GRIA3: variants seen among roughly 807,000 people sequenced by gnomAD.
GRIA3 encodes glutamate receptor 3.
Under a neutral mutation model 63.0 loss-of-function variants are expected in GRIA3, and 3 were observed. The ratio of observed to expected loss-of-function variants is 0.05; its 90% CI spans 0.02 to 0.12. The LOEUF (loss-of-function observed/expected upper bound fraction) is 0.12. Ranked by LOEUF, GRIA3 falls within the 10% of genes least tolerant of loss-of-function variation. The pLI is 1.00. For missense variants in GRIA3, 347 were observed against 700.9 expected, an observed-to-expected ratio of 0.50 and a Z score of 5.70; for synonymous variants, 274 against 257.9, an observed-to-expected ratio of 1.06 and a Z score of -0.60.
intron 3 of GRIA3, among the ~76,000 whole-genome samples, chrX:123,291,945 C>T (rs2044658471): frequency 9.0e-6 from 1 of 111,516 alleles, no homozygotes; most frequent in Non-Finnish European, 1.9e-5. Flanking sequence ...AGGTGCCAAA[C>T]ACTGTACCAT....
intron 2 of GRIA3, among the ~76,000 whole-genome samples, chrX:123,232,712 C>CA (rs1177004333): frequency 9.0e-6 from 1 of 110,899 alleles, no homozygotes; most frequent in Non-Finnish European, 1.9e-5. Flanking sequence ...TATGTACCCA[C>CA]AAAAATTAGA....
intron 4 of GRIA3, among the ~76,000 whole-genome samples, chrX:123,333,920 G>A (rs760752832): frequency 9.9e-4 from 110 of 111,125 alleles, no homozygotes; most frequent in Non-Finnish European, 1.7e-3. Context: ...TCTGTAAGTT[G>A]GTTGCCTTAT....
chrX:123,310,074 C>A (rs1049215542), intron 3 of GRIA3, among the ~76,000 whole-genome samples: 3 of 112,632 alleles, frequency 2.7e-5, no homozygotes, highest in African/African-American at 9.7e-5. Flanking sequence ...CATAGAAGCT[C>A]TTTGGGCATG....
rs1433551040 is a variant in GRIA3 at position 123,404,722 on chromosome X, A to G, written c.1308A>G (p.Val436=). Reference sequence around the variant, plus strand: ...TGGTCCCAAAGGAATCACCATATGTAATGTACAAGAAGAACCATGAGCAAC... The same window carrying G: ...TGGTCCCAAAGGAATCACCATATGTGATGTACAAGAAGAACCATGAGCAAC... ...VVTTILESPY[V]MYKKNHEQLE... is the part of the protein sequence containing the mutation. The change falls in exon 10 of 16, where the codon GTA becomes GTG. Residue 436 remains valine, a synonymous_variant. Coordinates refer to ENST00000620443, the MANE Select transcript of GRIA3 (RefSeq NM_007325.5). 1.7e-6 allele frequency: 2 copies of G among 1,194,655 alleles called. No homozygotes were observed. Among genetic ancestry groups the G allele is most frequent in the South Asian group, 1.8e-5 (1 of 56,604 alleles).
intron 11 of GRIA3, among the ~76,000 whole-genome samples, chrX:123,426,987 T>C (rs2147400177): frequency 9.0e-6 from 1 of 111,664 alleles, no homozygotes; most frequent in East Asian, 2.8e-4. Flanking sequence ...AATCCCACTA[T>C]ACAGGTAGTT....
chrX:123,327,395 C>T (rs1442124304), intron 4 of GRIA3, among the ~76,000 whole-genome samples: 1 of 111,296 alleles, frequency 9.0e-6, no homozygotes, highest in East Asian at 2.8e-4. Context: ...AATGTGCCCA[C>T]GCTGCCATAA....
intron 2 of GRIA3, among the ~76,000 whole-genome samples, chrX:123,226,745 A>G (rs1409490323): frequency 1.8e-5 from 2 of 111,887 alleles, no homozygotes; most frequent in Non-Finnish European, 3.8e-5. Flanking sequence ...TAAAAGGCAG[A>G]GAGAGACTTT....
chrX:123,228,525 T>A (rs1180913306), intron 2 of GRIA3, among the ~76,000 whole-genome samples: 1 of 111,069 alleles, frequency 9.0e-6, no homozygotes, highest in African/African-American at 3.3e-5. Context: ...GACATTTTTT[T>A]AGGGTAGAAG....
intron 3 of GRIA3, among the ~76,000 whole-genome samples, chrX:123,264,358 G>A (rs2044476101): frequency 8.9e-6 from 1 of 111,829 alleles, no homozygotes; most frequent in Admixed American, 9.5e-5. Context: ...TTGCAGTAGG[G>A]AAAAGCGTTC....
chrX:123,257,994 G>A (rs933747049), intron 3 of GRIA3, among the ~76,000 whole-genome samples: 1 of 112,394 alleles, frequency 8.9e-6, no homozygotes, highest in Non-Finnish European at 1.9e-5. Flanking sequence ...ATACAAAGTT[G>A]AAAATTACTT....
intron 2 of GRIA3, among the ~76,000 whole-genome samples, chrX:123,212,190 G>A (rs755379481): frequency 1.3e-4 from 14 of 111,475 alleles, no homozygotes; most frequent in Non-Finnish European, 2.5e-4. Context: ...TTTGTTCTAG[G>A]TAAAGCAACT....
intron 3 of GRIA3, among the ~76,000 whole-genome samples, chrX:123,314,450 GCTTT>G (rs1241496250): frequency 8.9e-6 from 1 of 111,843 alleles, no homozygotes; most frequent in Non-Finnish European, 1.9e-5. Context: ...AACCCCAGTT[GCTTT>G]CTGTTATTTT....
intron 3 of GRIA3, among the ~76,000 whole-genome samples, chrX:123,274,883 T>C (rs1319830431): frequency 8.9e-6 from 1 of 111,732 alleles, no homozygotes; most frequent in African/African-American, 3.3e-5. Flanking sequence ...TTTTTCCCAG[T>C]GTCAAGCAAG....
At chrX:123,271,833 C>T (rs2147294537) in intron 3 of GRIA3, among the ~76,000 whole-genome samples, 1 of 112,208 alleles carries the variant, frequency 8.9e-6, no homozygotes, top group South Asian at 3.7e-4. Context: ...GTGCTAGACG[C>T]CCTGATTCCT....
chrX:123,404,225 T>C (rs1442837624), intron 9 of GRIA3, among the ~76,000 whole-genome samples: 1 of 111,088 alleles, frequency 9.0e-6, no homozygotes, highest in African/African-American at 3.3e-5. Context: ...ACATATCAAA[T>C]ACTCCCTTTG....
At chrX:123,307,356 A>G (rs1415331878) in intron 3 of GRIA3, among the ~76,000 whole-genome samples, 1 of 112,118 alleles carries the variant, frequency 8.9e-6, no homozygotes, top group Non-Finnish European at 1.9e-5. Flanking sequence ...AATAGGAGAT[A>G]ACATTTCTCT....
chrX:123,446,988 C>T (rs538245239), intron 12 of GRIA3, among the ~76,000 whole-genome samples: 1 of 112,329 alleles, frequency 8.9e-6, no homozygotes, highest in East Asian at 2.8e-4. Flanking sequence ...TTGGTAATAA[C>T]GTACTGGCAC....
chrX:123,372,117 A>G (rs767902795), intron 5 of GRIA3, among the ~76,000 whole-genome samples: 2 of 111,898 alleles, frequency 1.8e-5, no homozygotes, highest in Non-Finnish European at 3.8e-5. Flanking sequence ...TTCCCAGCAC[A>G]ATTTATTGAA....
intron 13 of GRIA3, among the ~76,000 whole-genome samples, chrX:123,476,315 C>A (rs2045886843): frequency 9.0e-6 from 1 of 111,386 alleles, no homozygotes; most frequent in South Asian, 3.8e-4. Flanking sequence ...TCAAAATGAT[C>A]AAATGCCCAC....
Sources: gnomAD v4.1 joint callset for allele counts (sites outside exome capture counted in the v4.1 genomes callset) on GRCh38, gnomAD v4.1.1 for gene constraint, MANE v1.5 for transcripts, NCBI Gene and HGNC (gene_info 2026-07-23, HGNC 2026-07-21) for gene names.